PPARGC1A: variants seen among roughly 807,000 people sequenced by gnomAD.
The protein encoded by PPARGC1A is peroxisome proliferator-activated receptor gamma coactivator 1-alpha.
In PPARGC1A, 25 loss-of-function variants were observed where a neutral mutation model predicts 88.7. That is an observed-to-expected ratio of 0.28 (90% CI 0.21 to 0.39). The LOEUF (loss-of-function observed/expected upper bound fraction) is 0.39. Ranked by LOEUF, PPARGC1A falls within the 10% of genes least tolerant of loss-of-function variation. The probability of loss-of-function intolerance (pLI) is 1.00; values close to 1 mark genes in which losing one functional copy is unlikely to be tolerated. For missense variants in PPARGC1A, 880 were observed against 968.7 expected, an observed-to-expected ratio of 0.91 and a Z score of 1.22; for synonymous variants, 363 against 355.6, an observed-to-expected ratio of 1.02 and a Z score of -0.24.
chr4:24,110,337 T>G, the PPARGC1A span, among the ~76,000 whole-genome samples: 1 of 152,182 alleles, frequency 6.6e-6, no homozygotes, highest in Non-Finnish European at 1.5e-5. Context: ...ACCCGTGGTT[T>G]TTAGGATGAG....
At chr4:24,242,922 G>T in the PPARGC1A span, among the ~76,000 whole-genome samples, 1 of 152,050 alleles carries the variant, frequency 6.6e-6, no homozygotes, top group Non-Finnish European at 1.5e-5. Flanking sequence ...TCTGTTTATT[G>T]GGGAAACCTT....
At chr4:23,926,944 C>G in the PPARGC1A span, among the ~76,000 whole-genome samples, 1 of 152,190 alleles carries the variant, frequency 6.6e-6, no homozygotes, top group Non-Finnish European at 1.5e-5. Context: ...ACAATAATTA[C>G]TGAATACATG....
At chr4:23,887,967 G>T (rs573381766) in intron 1 of PPARGC1A, among the ~76,000 whole-genome samples, 16 of 152,004 alleles carry the variant, frequency 1.1e-4, no homozygotes, top group Admixed American at 1.0e-3. Context: ...TGTGAAACAC[G>T]GGGCACTCCA....
In PPARGC1A at chr4:23,814,268, T is replaced by C. The variant is rs200225774; in HGVS notation, c.1215A>G (p.Gln405=). 2.4e-5 allele frequency: 39 copies of C among 1,614,080 alleles called. No individual in the cohort carries two copies. Among genetic ancestry groups the C allele is most frequent in the Non-Finnish European group, 2.8e-5 (33 of 1,180,000 alleles). The change falls in exon 8 of 13, where the codon CAA becomes CAG. Residue 405 remains glutamine, a synonymous_variant. Transcript: ENST00000264867. ...EILINISQEL[Q]DSRQLENKDV... ...CTTTATTTTCTAGTTGTCTAGAGTC[T>C]TGGAGCTCCTGTGATATATTAATGA...
At chr4:23,926,009 G>A in the PPARGC1A span, among the ~76,000 whole-genome samples, 3 of 152,242 alleles carry the variant, frequency 2.0e-5, no homozygotes, top group South Asian at 2.1e-4. Flanking sequence ...GGTTTTAGTC[G>A]TGATGCATTT....
the PPARGC1A span, among the ~76,000 whole-genome samples, chr4:24,027,175 A>G: frequency 6.9e-6 from 1 of 144,072 alleles, no homozygotes; most frequent in Non-Finnish European, 1.5e-5. Context: ...CAGGAGGATC[A>G]TGCACACCTG....
At chr4:24,049,490 G>A in the PPARGC1A span, among the ~76,000 whole-genome samples, 11 of 151,622 alleles carry the variant, frequency 7.3e-5, no homozygotes, top group South Asian at 2.1e-4. Flanking sequence ...GAAATTTGTC[G>A]GGGAAAACGG....
the PPARGC1A span, among the ~76,000 whole-genome samples, chr4:24,300,131 TTCGTTATCTAC>T: frequency 1.9e-3 from 287 of 152,266 alleles, 8 homozygotes; most frequent in South Asian, 0.035. Flanking sequence ...CTTTCCTGCC[TTCGTTATCTAC>T]TCCAGTGTCC....
chr4:24,432,565 T>C, the PPARGC1A span, among the ~76,000 whole-genome samples: 16 of 152,242 alleles, frequency 1.1e-4, no homozygotes, highest in East Asian at 3.9e-4. Context: ...GAAAAACAAA[T>C]TGGACTCACC....
At chr4:24,198,341 T>G in the PPARGC1A span, among the ~76,000 whole-genome samples, 2 of 152,190 alleles carry the variant, frequency 1.3e-5, no homozygotes, top group African/African-American at 4.8e-5. Context: ...TCCATCCAAT[T>G]CATTCATTCA....
chr4:24,421,586 C>G, the PPARGC1A span, among the ~76,000 whole-genome samples: 1 of 152,188 alleles, frequency 6.6e-6, no homozygotes, highest in Non-Finnish European at 1.5e-5. Flanking sequence ...GCTGGGATTA[C>G]AGGCGTGAGC....
chr4:23,878,999 A>G (rs1221657177), intron 2 of PPARGC1A, among the ~76,000 whole-genome samples: 1 of 152,222 alleles, frequency 6.6e-6, no homozygotes, highest in Non-Finnish European at 1.5e-5. Flanking sequence ...AAGTGTCATT[A>G]CCAAGTGTGG....
chr4:24,449,063 G>A, the PPARGC1A span, among the ~76,000 whole-genome samples: 1 of 152,192 alleles, frequency 6.6e-6, no homozygotes, highest in Non-Finnish European at 1.5e-5. Flanking sequence ...CCACATACCA[G>A]TGAAACTACT....
the PPARGC1A span, among the ~76,000 whole-genome samples, chr4:24,172,573 T>C: frequency 6.6e-6 from 1 of 152,148 alleles, no homozygotes. Context: ...CTGTCTCCCT[T>C]CAGGATTCCA....
At chr4:24,218,440 T>G in the PPARGC1A span, among the ~76,000 whole-genome samples, 1 of 152,208 alleles carries the variant, frequency 6.6e-6, no homozygotes, top group African/African-American at 2.4e-5. Flanking sequence ...ACAGAGAAAC[T>G]AGCAGGTGGA....
At chr4:24,416,385 AG>A in the PPARGC1A span, among the ~76,000 whole-genome samples, 1 of 152,186 alleles carries the variant, frequency 6.6e-6, no homozygotes, top group Non-Finnish European at 1.5e-5. Flanking sequence ...TGAATTTGCC[AG>A]GGAGAAAAGA....
chr4:23,908,056 G>A (rs1376296839), upstream of PPARGC1A, among the ~76,000 whole-genome samples: 1 of 152,168 alleles, frequency 6.6e-6, no homozygotes, highest in Non-Finnish European at 1.5e-5. Flanking sequence ...CTTTGAAATG[G>A]ACAAAGTGAT....
At chr4:24,055,414 T>C in the PPARGC1A span, among the ~76,000 whole-genome samples, 1 of 152,110 alleles carries the variant, frequency 6.6e-6, no homozygotes, top group Non-Finnish European at 1.5e-5. Flanking sequence ...ACCTTTCTCA[T>C]TTCCAGGGTG....
At chr4:23,890,247 A>C (rs893924741), upstream of PPARGC1A, 23 of 434,628 alleles carry the variant, frequency 5.3e-5, no homozygotes, top group South Asian at 1.0e-4. Flanking sequence ...GAAAAAGAAA[A>C]GAAAGAAAGA....
Sources: allele counts gnomAD v4.1 joint callset (sites outside exome capture counted in the v4.1 genomes callset), GRCh38; gene constraint gnomAD v4.1.1; transcripts MANE v1.5; gene names NCBI Gene and HGNC (gene_info 2026-07-23, HGNC 2026-07-21).